ACSS3: variants seen among roughly 807,000 people sequenced by gnomAD.
The protein encoded by ACSS3 is acyl-CoA synthetase short chain family member 3.
In ACSS3, 64 loss-of-function variants were observed where a neutral mutation model predicts 84.2. The observed-to-expected ratio is 0.76, with a 90% CI of 0.62 to 0.94. The LOEUF (loss-of-function observed/expected upper bound fraction) is 0.94, where lower values mean the gene tolerates loss of function less well. Among genes scored for constraint, ACSS3 ranks in the 40% least tolerant of loss-of-function variants. ACSS3 has a pLI of 0.00. For missense variants in ACSS3, 815 were observed against 867.6 expected, an observed-to-expected ratio of 0.94 and a Z score of 0.76; for synonymous variants, 317 against 310.1, an observed-to-expected ratio of 1.02 and a Z score of -0.23.
intron 4 of ACSS3, among the ~76,000 whole-genome samples, chr12:81,142,262 T>C (rs1189871762): frequency 6.6e-6 from 1 of 152,158 alleles, no homozygotes; most frequent in African/African-American, 2.4e-5. Flanking sequence ...AACTTCCTGA[T>C]GTGTGATCTT....
chr12:81,087,003 T>A (rs1440905339), intron 1 of ACSS3, among the ~76,000 whole-genome samples: 1 of 152,128 alleles, frequency 6.6e-6, no homozygotes, highest in African/African-American at 2.4e-5. Context: ...TTTAGTTGAA[T>A]GAGGTAAGGA....
intron 11 of ACSS3, among the ~76,000 whole-genome samples, chr12:81,221,723 A>G (rs1382332617): frequency 2.0e-5 from 3 of 152,104 alleles, no homozygotes; most frequent in Non-Finnish European, 4.4e-5. Flanking sequence ...TGACCTGTTC[A>G]AGGGAAAAGC....
chr12:81,174,622 G>A (rs992094173), intron 7 of ACSS3, 166 bp from the exon 8 acceptor site: 1 of 642,348 alleles, frequency 1.6e-6, no homozygotes, highest in African/African-American at 1.8e-5. Flanking sequence ...TTATGCCTGG[G>A]TATTTGGTTT....
At chr12:81,238,017 T>C (rs990030268) in intron 13 of ACSS3, among the ~76,000 whole-genome samples, 3 of 151,766 alleles carry the variant, frequency 2.0e-5, no homozygotes, top group Non-Finnish European at 4.4e-5. Context: ...CATCACGAAA[T>C]TGTGGAAGTT....
At position 81,174,736 on chromosome 12, in the gene ACSS3, G is replaced by A. The variant is rs568870606; in HGVS notation, c.1099-52G>A. The stretch of plus-strand genomic sequence containing the variant: ...TAAATGTATAACTATTGAACTGTCA[G>A]TGAAATATGACACATTTTATCCAGT... On this transcript the variant is annotated intron_variant, in intron 7 of 15. Transcript: ENST00000548058. 45 of 1,568,728 alleles carry A rather than the reference G, an allele frequency of 2.9e-5. No individual in the cohort carries two copies. In the Admixed American group the frequency reaches 4.6e-4, roughly 16 times the overall value.
chr12:81,160,530 T>C (rs1336390663), intron 7 of ACSS3, among the ~76,000 whole-genome samples: 1 of 152,246 alleles, frequency 6.6e-6, no homozygotes, highest in Non-Finnish European at 1.5e-5. Context: ...TGTACCTATA[T>C]GACTTAAGCA....
At chr12:81,182,600 A>G (rs572523396) in intron 8 of ACSS3, among the ~76,000 whole-genome samples, 1 of 152,304 alleles carries the variant, frequency 6.6e-6, no homozygotes, top group South Asian at 2.1e-4. Flanking sequence ...ATCAAAAACA[A>G]ATTGTGTATC....
At position 81,213,858 on chromosome 12, in the gene ACSS3, CT is replaced by C. The variant is rs1460755791; in HGVS notation, c.1355-3042del. ...CTTCTCTTCTCTCCTCTCCTCTCTT[CT>C]CTTCCTTTCTTTCTTTCTTTCTTTC... is the stretch of plus-strand genomic sequence containing the variant. On this transcript the variant is annotated intron_variant, in intron 9 of 15. Transcript: ENST00000548058. 4.6e-5 allele frequency among the ~76,000 whole-genome samples: 6 copies of C among 130,172 alleles called. 1 individual carries two copies. Among genetic ancestry groups the C allele is most frequent in the African/African-American group, 8.4e-5 (3 of 35,782 alleles). The allele number at this position is 130,172 out of a possible 152,430, so 85.4% of individuals were successfully genotyped here. A position where few individuals can be genotyped will look rare whatever the true frequency, so the allele number is the denominator to read the frequency against.
chr12:81,216,764 A>G (rs2032931803), intron 9 of ACSS3, 137 bp from the exon 10 acceptor site: 2 of 493,196 alleles, frequency 4.1e-6, no homozygotes, highest in South Asian at 2.6e-5. Context: ...TTTAAATAAT[A>G]TATTTGCACT....
chr12:81,211,718 C>T (rs1275099331), intron 9 of ACSS3, among the ~76,000 whole-genome samples: 1 of 152,154 alleles, frequency 6.6e-6, no homozygotes, highest in Non-Finnish European at 1.5e-5. Flanking sequence ...TGGTGTGTAA[C>T]TATTTAAATA....
chr12:81,153,306 G>A (rs1886704801), intron 7 of ACSS3, among the ~76,000 whole-genome samples: 1 of 151,828 alleles, frequency 6.6e-6, no homozygotes, highest in African/African-American at 2.4e-5. Flanking sequence ...TACTCAGGAG[G>A]CTGAGGCAGG....
At chr12:81,081,721 G>A (rs915006395) in intron 1 of ACSS3, among the ~76,000 whole-genome samples, 1 of 152,150 alleles carries the variant, frequency 6.6e-6, no homozygotes, top group African/African-American at 2.4e-5. Flanking sequence ...AACATTCAAT[G>A]ATAGGATTCT....
intron 13 of ACSS3, among the ~76,000 whole-genome samples, chr12:81,242,761 A>C: frequency 6.9e-6 from 1 of 144,108 alleles, no homozygotes; most frequent in Non-Finnish European, 1.5e-5. Flanking sequence ...CAAAAACCAC[A>C]TGATTATCTC....
chr12:81,162,582 C>T (rs1178515603), intron 7 of ACSS3, among the ~76,000 whole-genome samples: 3 of 152,192 alleles, frequency 2.0e-5, no homozygotes, highest in Non-Finnish European at 4.4e-5. Flanking sequence ...CCAGAACTGA[C>T]AGCCCTGCTC....
intron 13 of ACSS3, among the ~76,000 whole-genome samples, chr12:81,242,867 T>C (rs1483679678): frequency 2.0e-5 from 3 of 151,998 alleles, no homozygotes; most frequent in Non-Finnish European, 4.4e-5. Context: ...CTCAAAATAA[T>C]AAGAGCTACC....
chr12:81,178,748 T>A (rs2030684804), intron 8 of ACSS3, among the ~76,000 whole-genome samples: 1 of 152,150 alleles, frequency 6.6e-6, no homozygotes, highest in Non-Finnish European at 1.5e-5. Context: ...TAAATGATAT[T>A]CTTATCAAGT....
intron 13 of ACSS3, among the ~76,000 whole-genome samples, chr12:81,237,403 G>C (rs1178569327): frequency 1.3e-5 from 2 of 151,568 alleles, no homozygotes; most frequent in Non-Finnish European, 1.5e-5. Context: ...GGTAAATTTA[G>C]AGGTTTATTT....
intron 9 of ACSS3, among the ~76,000 whole-genome samples, chr12:81,200,245 A>G (rs1463003575): frequency 2.6e-5 from 4 of 152,162 alleles, no homozygotes; most frequent in South Asian, 4.1e-4. Context: ...CAAAGTACAG[A>G]GATTTTAAAA....
intron 12 of ACSS3, 106 bp from the exon 13 acceptor site, chr12:81,233,243 T>C: frequency 1.5e-6 from 2 of 1,319,568 alleles, no homozygotes; most frequent in Non-Finnish European, 1.0e-6. Context: ...ACGGCAAATG[T>C]TCACAGTAAA....
Sources: allele counts gnomAD v4.1 joint callset (sites outside exome capture counted in the v4.1 genomes callset), GRCh38; gene constraint gnomAD v4.1.1; transcripts MANE v1.5; gene names NCBI Gene and HGNC (gene_info 2026-07-23, HGNC 2026-07-21).